Variants in DENND5B observed in about 807,000 individuals in gnomAD.
DENND5B encodes DENN domain containing 5B.
In DENND5B, 34 loss-of-function variants were observed where a neutral mutation model predicts 140.6. The observed-to-expected ratio is 0.24, with a 90% CI of 0.18 to 0.32. The LOEUF (loss-of-function observed/expected upper bound fraction) is 0.32, where lower values mean the gene tolerates loss of function less well. Ranked by LOEUF, DENND5B falls within the 10% of genes least tolerant of loss-of-function variation. The probability of loss-of-function intolerance (pLI) is 1.00; values close to 1 mark genes in which losing one functional copy is unlikely to be tolerated. For missense variants in DENND5B, 1,142 were observed against 1,560.2 expected (o/e 0.73, Z 4.52); for synonymous variants, 551 against 562.1 (o/e 0.98, Z 0.28).
chr12:31,411,047 T>C (rs945426624), intron 13 of DENND5B, among the ~76,000 whole-genome samples: 5 of 151,750 alleles, frequency 3.3e-5, no homozygotes, highest in African/African-American at 9.7e-5. Flanking sequence ...TCACTTTTTT[T>C]TTTTTTTTTT....
chr12:31,420,084 G>A, intron 11 of DENND5B: 1 of 983,140 alleles, frequency 1.0e-6, no homozygotes, highest in Non-Finnish European at 1.2e-6. Flanking sequence ...GTAGAACCTT[G>A]TCTGAAGGTG....
In DENND5B at chr12:31,576,168, G is replaced by A. The variant is rs1950010388; in HGVS notation, c.127+14538C>T. On this transcript the variant is annotated intron_variant, in intron 1 of 20. Coordinates refer to ENST00000389082, the MANE Select transcript of DENND5B (RefSeq NM_144973.4). ...AAAAAAAAAAAAAAAAGAAGAATGA[G>A]GCCGCGCGCACAGGGGCTCACACCT... is the stretch of plus-strand genomic sequence containing the variant. Among the ~76,000 whole-genome samples, 3 of 113,786 alleles carry A rather than the reference G, an allele frequency of 2.6e-5. No homozygotes were observed. In the South Asian group the frequency reaches 8.5e-4, roughly 32 times the overall value. 74.6% of individuals were successfully genotyped at this position (113,786 alleles called of 152,430 possible).
chr12:31,582,722 G>A (rs967347027), intron 1 of DENND5B, among the ~76,000 whole-genome samples: 2 of 152,192 alleles, frequency 1.3e-5, no homozygotes, highest in East Asian at 3.8e-4. Context: ...AGGCCTGCCC[G>A]ATAGTGTCGC....
intron 8 of DENND5B, among the ~76,000 whole-genome samples, chr12:31,431,795 G>T (rs995004577): frequency 1.6e-4 from 24 of 152,090 alleles, no homozygotes; most frequent in Non-Finnish European, 4.4e-5. Flanking sequence ...AAATCCCACT[G>T]ATTAGAGACC....
At chr12:31,472,572 A>G (rs1945612153) in intron 3 of DENND5B, among the ~76,000 whole-genome samples, 1 of 152,110 alleles carries the variant, frequency 6.6e-6, no homozygotes, top group African/African-American at 2.4e-5. Context: ...GATTACAGAC[A>G]TGAGCCACGG....
At chr12:31,409,472 G>GT in intron 13 of DENND5B, 88 bp from the exon 14 acceptor site, 2 of 424,258 alleles carry the variant, frequency 4.7e-6, no homozygotes, top group Non-Finnish European at 6.2e-6. Context: ...TTTTCATTAT[G>GT]TCTTTTTTTT....
chr12:31,568,136 A>C (rs1448120589), intron 1 of DENND5B, among the ~76,000 whole-genome samples: 1 of 152,204 alleles, frequency 6.6e-6, no homozygotes, highest in Non-Finnish European at 1.5e-5. Flanking sequence ...ATGACACCAC[A>C]AGTGGAAAAT....
chr12:31,511,602 A>T (rs1301961114), intron 1 of DENND5B, among the ~76,000 whole-genome samples: 4 of 148,394 alleles, frequency 2.7e-5, no homozygotes, highest in African/African-American at 1.0e-4. Context: ...CATAATTGCT[A>T]TGGCATATTG....
At chr12:31,466,561 C>T (rs1565607672) in intron 3 of DENND5B, among the ~76,000 whole-genome samples, 1 of 150,974 alleles carries the variant, frequency 6.6e-6, no homozygotes, top group Non-Finnish European at 1.5e-5. Flanking sequence ...GGCATGGTGG[C>T]ATGCGCCTGT....
intron 1 of DENND5B, among the ~76,000 whole-genome samples, chr12:31,570,285 T>C (rs1949774509): frequency 2.0e-5 from 3 of 151,618 alleles, no homozygotes; most frequent in Middle Eastern, 3.4e-3. Flanking sequence ...CTCTTTTTTT[T>C]TTTTTTTAAG....
intron 1 of DENND5B, among the ~76,000 whole-genome samples, chr12:31,533,894 T>C (rs1348174599): frequency 6.6e-6 from 1 of 151,948 alleles, no homozygotes; most frequent in Non-Finnish European, 1.5e-5. Context: ...AGTGTTTTTT[T>C]TTTTTCCTTT....
intron 1 of DENND5B, among the ~76,000 whole-genome samples, chr12:31,517,545 T>C (rs751117961): frequency 2.0e-5 from 3 of 152,262 alleles, no homozygotes; most frequent in Non-Finnish European, 4.4e-5. Context: ...TCTCCATAAC[T>C]ACACAAGCTT....
At chr12:31,502,006 A>G (rs1007659869) in intron 1 of DENND5B, among the ~76,000 whole-genome samples, 1 of 152,008 alleles carries the variant, frequency 6.6e-6, no homozygotes, top group Non-Finnish European at 1.5e-5. Flanking sequence ...TATTTAAGGT[A>G]AAAACACCAG....
At chr12:31,572,465 T>C (rs184469872) in intron 1 of DENND5B, among the ~76,000 whole-genome samples, 30 of 148,658 alleles carry the variant, frequency 2.0e-4, no homozygotes, top group East Asian at 1.8e-3. Context: ...ATCTTGAAGA[T>C]AGGATGTAAA....
intron 1 of DENND5B, chr12:31,540,903 A>G: frequency 2.4e-6 from 1 of 418,024 alleles, no homozygotes; most frequent in Non-Finnish European, 4.7e-6. Flanking sequence ...AAATCCACAC[A>G]TTTACAGTGA....
At chr12:31,404,699 C>T (rs1171493450) in intron 14 of DENND5B, among the ~76,000 whole-genome samples, 5 of 150,198 alleles carry the variant, frequency 3.3e-5, no homozygotes, top group African/African-American at 7.3e-5. Context: ...GGTGATCCAC[C>T]GGCCTCAACC....
chr12:31,431,695 T>C lies in DENND5B; in HGVS notation c.2106+1460A>G, dbSNP rs549109714. Among the ~76,000 whole-genome samples the C allele has an allele frequency of 3.3e-5, 5 of 152,276 alleles. No homozygotes were observed. In the South Asian group the frequency reaches 8.3e-4, roughly 25 times the overall value. On this transcript the variant is annotated intron_variant, in intron 8 of 20. Transcript: ENST00000389082. ...ATTTGAAATTCAATCACATCTGTAC[T>C]TCTGGAAAACGCTTAAATAAAGGGG...
At chr12:31,443,730 A>G (rs1488000761) in intron 6 of DENND5B, 1 of 152,228 alleles carries the variant, frequency 6.6e-6, no homozygotes, top group Non-Finnish European at 1.5e-5. Flanking sequence ...CTCCATCTGT[A>G]AAAACAAGGA....
intron 3 of DENND5B, among the ~76,000 whole-genome samples, chr12:31,466,780 A>C (rs968638314): frequency 6.6e-6 from 1 of 152,204 alleles, no homozygotes; most frequent in Non-Finnish European, 1.5e-5. Context: ...ATATTTACAA[A>C]GATAGTTGAG....
Sources: allele counts gnomAD v4.1 joint callset (sites outside exome capture counted in the v4.1 genomes callset), GRCh38; gene constraint gnomAD v4.1.1; transcripts MANE v1.5; gene names NCBI Gene and HGNC (gene_info 2026-07-23, HGNC 2026-07-21).